The following RIMS2 variants were observed in gnomAD, a reference collection of about 807,000 sequenced individuals.
The protein encoded by RIMS2 is regulating synaptic membrane exocytosis 2.
In RIMS2, 59 loss-of-function variants were observed where a neutral mutation model predicts 174.4. The observed-to-expected ratio is 0.34, with a 90% CI of 0.27 to 0.42. RIMS2 has a LOEUF of 0.42. Among genes scored for constraint, RIMS2 ranks in the 10% least tolerant of loss-of-function variants. The probability of loss-of-function intolerance (pLI) is 1.00; values close to 1 mark genes in which losing one functional copy is unlikely to be tolerated. For missense variants in RIMS2, 1,620 were observed against 1,666.3 expected (o/e 0.97, Z 0.48); for synonymous variants, 606 against 572.5 (o/e 1.06, Z -0.84).
intron 19 of RIMS2, among the ~76,000 whole-genome samples, chr8:104,219,814 G>A (rs960184816): frequency 6.6e-6 from 1 of 152,056 alleles, no homozygotes; most frequent in Non-Finnish European, 1.5e-5. Context: ...CATTACTTGA[G>A]AACTACATCC....
chr8:103,673,477 C>T (rs550630697), intron 1 of RIMS2, among the ~76,000 whole-genome samples: 1 of 152,198 alleles, frequency 6.6e-6, no homozygotes, highest in African/African-American at 2.4e-5. Flanking sequence ...AGATTGCACT[C>T]TGTGTGCCTG....
chr8:104,191,437 A>T (rs1326239313), intron 19 of RIMS2, among the ~76,000 whole-genome samples: 2 of 152,168 alleles, frequency 1.3e-5, no homozygotes, highest in East Asian at 3.9e-4. Flanking sequence ...GATCTGATTT[A>T]GTAAAGTGTG....
intron 19 of RIMS2, among the ~76,000 whole-genome samples, chr8:104,088,678 TC>T (rs2097579566): frequency 6.6e-6 from 1 of 152,044 alleles, no homozygotes. Context: ...CCTGCCCCCA[TC>T]TTTTGTCTGA....
At chr8:103,879,531 T>G (rs1163085554) in intron 3 of RIMS2, among the ~76,000 whole-genome samples, 1 of 151,570 alleles carries the variant, frequency 6.6e-6, no homozygotes, top group Non-Finnish European at 1.5e-5. Context: ...TCTCTTTGAA[T>G]AATCTACCAG....
In RIMS2 at chr8:104,104,058, C is replaced by G. The variant is rs1028337402; in HGVS notation, c.3334+89443C>G. 3.9e-5 allele frequency among the ~76,000 whole-genome samples: 6 copies of G among 152,056 alleles called. No homozygotes were observed. The South Asian group carries it at 1.2e-3, about 32-fold the overall frequency. Reference sequence around the variant, plus strand: ...GGGATCAGAAACATAGCTGGATAAACTGGCTTGAAAAAGGAAAAACAAATA... The same window carrying G: ...GGGATCAGAAACATAGCTGGATAAAGTGGCTTGAAAAAGGAAAAACAAATA... On this transcript the variant is annotated intron_variant, in intron 19 of 23. Transcript: ENST00000504942.
At chr8:103,707,966 C>T (rs908097996) in intron 2 of RIMS2, among the ~76,000 whole-genome samples, 1 of 152,154 alleles carries the variant, frequency 6.6e-6, no homozygotes, top group African/African-American at 2.4e-5. Flanking sequence ...TGTAGCTGGG[C>T]TGGTACCCAA....
intron 1 of RIMS2, among the ~76,000 whole-genome samples, chr8:103,643,833 T>C (rs185162740): frequency 5.9e-5 from 9 of 152,122 alleles, no homozygotes; most frequent in Admixed American, 3.9e-4. Flanking sequence ...TTTCCCTACA[T>C]TGAAGGCTAG....
At chr8:103,536,341 A>G (rs905670525) in intron 1 of RIMS2, among the ~76,000 whole-genome samples, 9 of 152,182 alleles carry the variant, frequency 5.9e-5, no homozygotes, top group Admixed American at 2.0e-4. Flanking sequence ...AAGACTCTCC[A>G]TGGACCTAAG....
exon 2 of RIMS2, chr8:103,697,264 T>G: frequency 3.7e-6 from 6 of 1,613,702 alleles, no homozygotes; most frequent in Non-Finnish European, 5.1e-6. Flanking sequence ...CTGTGCTCGT[T>G]GTGGAGGTCG....
Position 103,538,799 on chromosome 8 carries a change from G to A in RIMS2, c.176+37737G>A, listed in dbSNP as rs145001216. ...TGGGATTACAGGCATGAGCCACCAC[G>A]CCCAGCCTAGTCCATTGTATCATTC... On this transcript the variant is annotated intron_variant, in intron 1 of 23. Coordinates refer to ENST00000504942, the Ensembl canonical transcript of RIMS2. Among the ~76,000 whole-genome samples the A allele has an allele frequency of 5.9e-3, 898 of 152,286 alleles. 3 individuals carry two copies. The highest frequency in any genetic ancestry group is 0.01 in the Non-Finnish European group (710 of 68,026).
chr8:104,105,542 T>C (rs1217771576), intron 19 of RIMS2, among the ~76,000 whole-genome samples: 1 of 152,088 alleles, frequency 6.6e-6, no homozygotes, highest in Non-Finnish European at 1.5e-5. Flanking sequence ...CTCTCTTCAT[T>C]GATATGAAAT....
chr8:103,763,611 G>A (rs2098135948), intron 2 of RIMS2, among the ~76,000 whole-genome samples: 1 of 152,124 alleles, frequency 6.6e-6, no homozygotes, highest in African/African-American at 2.4e-5. Context: ...GATCTAGTCA[G>A]AAAAGGAACA....
chr8:104,133,567 A>T (rs557972664), intron 19 of RIMS2, among the ~76,000 whole-genome samples: 2 of 152,332 alleles, frequency 1.3e-5, no homozygotes, highest in South Asian at 4.1e-4. Flanking sequence ...TTTTAGTAGC[A>T]GACTGCCATA....
intron 19 of RIMS2, among the ~76,000 whole-genome samples, chr8:104,036,723 A>C (rs1289928835): frequency 6.6e-6 from 1 of 151,758 alleles, no homozygotes; most frequent in Non-Finnish European, 1.5e-5. Flanking sequence ...CTAAAAATAC[A>C]AAAGTTAGCT....
chr8:103,798,831 G>A (rs1258951194), intron 3 of RIMS2, among the ~76,000 whole-genome samples: 2 of 152,018 alleles, frequency 1.3e-5, no homozygotes, highest in Non-Finnish European at 2.9e-5. Context: ...ACATGATTAA[G>A]GTTATGGACC....
intron 19 of RIMS2, among the ~76,000 whole-genome samples, chr8:104,123,037 C>T (rs1312323083): frequency 2.6e-5 from 4 of 151,688 alleles, no homozygotes; most frequent in East Asian, 3.9e-4. Flanking sequence ...GCATTGTTGC[C>T]GTGTTATTTT....
chr8:103,642,279 G>A (rs12542880), intron 1 of RIMS2, among the ~76,000 whole-genome samples: 18,865 of 151,976 alleles, frequency 0.12, 1,271 homozygotes, highest in Middle Eastern at 0.22. Context: ...ATGAATCCAA[G>A]TCCATTTCAA....
At chr8:104,034,572 C>T (rs1481552681) in intron 19 of RIMS2, among the ~76,000 whole-genome samples, 1 of 148,788 alleles carries the variant, frequency 6.7e-6, no homozygotes, top group Non-Finnish European at 1.5e-5. Flanking sequence ...CTGGTTCAAG[C>T]GATTCTCCTG....
At chr8:104,251,895 G>A, downstream of RIMS2, 7 of 847,644 alleles carry the variant, frequency 8.3e-6, no homozygotes, top group South Asian at 7.4e-5. Context: ...TGCAAACCCT[G>A]GTAACACTGC....
Sources: allele counts gnomAD v4.1 joint callset (sites outside exome capture counted in the v4.1 genomes callset), GRCh38; gene constraint gnomAD v4.1.1; transcripts MANE v1.5; gene names NCBI Gene and HGNC (gene_info 2026-07-23, HGNC 2026-07-21).